VAV2: variants seen among roughly 807,000 people sequenced by gnomAD.
The protein encoded by VAV2 is vav guanine nucleotide exchange factor 2, also known as guanine nucleotide exchange factor VAV2.
VAV2 carries 67 observed loss-of-function variants against 132.5 expected under a neutral mutation model. That is an observed-to-expected ratio of 0.51 (90% CI 0.42 to 0.62). VAV2 has a LOEUF of 0.62. VAV2 is among the 20% of genes least tolerant of loss of function. The pLI is 0.00. For missense variants in VAV2, 938 were observed against 1,153.6 expected, an observed-to-expected ratio of 0.81 and a Z score of 2.71; for synonymous variants, 492 against 443.5, an observed-to-expected ratio of 1.11 and a Z score of -1.37.
chr9:133,783,724 C>A (rs577027428), intron 18 of VAV2, 133 bp from the exon 19 acceptor site: 4 of 752,522 alleles, frequency 5.3e-6, no homozygotes, highest in Admixed American at 2.1e-5. Flanking sequence ...TCCCTCATAG[C>A]CCTGAGTATC....
At chr9:133,790,152 G>A (rs1460472846) in intron 13 of VAV2, among the ~76,000 whole-genome samples, 2 of 152,168 alleles carry the variant, frequency 1.3e-5, no homozygotes, top group Non-Finnish European at 2.9e-5. Context: ...GGGGATGCTC[G>A]ACGCCTGCTG....
At position 133,769,552 on chromosome 9, in the gene VAV2, C is replaced by T; in HGVS notation, c.2348-49G>A. ...TGAGGCGGGCAGCAGGGCATCCACGCACAGTCACGGTGGGCACAGCTACAG... is the reference window on the plus strand; with the variant it reads ...TGAGGCGGGCAGCAGGGCATCCACGTACAGTCACGGTGGGCACAGCTACAG... On this transcript the variant is annotated intron_variant, in intron 27 of 29. Coordinates refer to ENST00000371850, the MANE Select transcript of VAV2 (RefSeq NM_001134398.2). This position sits in a 1 kb window ranked among gnomAD's most constrained non-coding sequence, Gnocchi z 8.1. 1 of 1,564,424 alleles carries T rather than the reference C, an allele frequency of 6.4e-7. No homozygotes were observed. Among genetic ancestry groups the T allele is most frequent in the Non-Finnish European group, 8.7e-7 (1 of 1,150,044 alleles).
intron 2 of VAV2, among the ~76,000 whole-genome samples, chr9:133,886,785 G>A (rs1053147885): frequency 1.6e-4 from 25 of 152,350 alleles, no homozygotes; most frequent in African/African-American, 5.8e-4. Context: ...CTGTTACCAG[G>A]AGAGCAGGTG....
chr9:133,801,774 C>T (rs1436790785), intron 9 of VAV2, among the ~76,000 whole-genome samples: 1 of 152,194 alleles, frequency 6.6e-6, no homozygotes, highest in Admixed American at 6.5e-5. Flanking sequence ...GACACAGAGA[C>T]GCGGGGAGGC....
At chr9:133,774,750 G>C (rs1445716409) in intron 25 of VAV2, among the ~76,000 whole-genome samples, 185 bp downstream of exon 25, 3 of 152,120 alleles carry the variant, frequency 2.0e-5, no homozygotes, top group African/African-American at 7.2e-5. Context: ...TTCAGGCCCT[G>C]CCCAGCACAC....
At chr9:133,903,552 C>A (rs978726045) in intron 2 of VAV2, among the ~76,000 whole-genome samples, 1 of 152,198 alleles carries the variant, frequency 6.6e-6, no homozygotes, top group Non-Finnish European at 1.5e-5. Flanking sequence ...GGGGTGGGGG[C>A]TGCACACAAG....
intron 2 of VAV2, among the ~76,000 whole-genome samples, chr9:133,878,949 C>T (rs115276124): frequency 0.016 from 2,463 of 152,292 alleles, 64 homozygotes; most frequent in African/African-American, 0.054. Flanking sequence ...TCGCCCCATT[C>T]GAGAGATCAA....
intron 2 of VAV2, among the ~76,000 whole-genome samples, chr9:133,911,451 G>A (rs1839882532): frequency 1.3e-5 from 2 of 152,322 alleles, no homozygotes; most frequent in South Asian, 4.1e-4. Flanking sequence ...ATGGAGGTAT[G>A]ATCCACAGAC....
intron 13 of VAV2, 79 bp downstream of exon 13, chr9:133,791,704 C>T: frequency 7.7e-7 from 1 of 1,296,964 alleles, no homozygotes; most frequent in African/African-American, 1.5e-5. Context: ...GGAGCTCACT[C>T]AATACTGGGG....
intron 1 of VAV2, among the ~76,000 whole-genome samples, chr9:133,975,050 T>C (rs1842462296): frequency 6.6e-6 from 1 of 152,216 alleles, no homozygotes; most frequent in African/African-American, 2.4e-5. Context: ...AAGGCCCTTT[T>C]TACGGCCTTT....
intron 3 of VAV2, among the ~76,000 whole-genome samples, chr9:133,859,624 AAAAACAAAAC>A (rs987057724): frequency 1.3e-5 from 2 of 152,090 alleles, no homozygotes; most frequent in Admixed American, 6.5e-5. Flanking sequence ...AATATGTAAA[AAAAACAAAAC>A]AAAACAAAAC....
In VAV2 at chr9:133,834,497, T is replaced by C. The variant is rs1172854681; in HGVS notation, c.381-157A>G. Among the ~76,000 whole-genome samples the C allele has an allele frequency of 6.6e-6, 1 of 152,188 alleles. No homozygotes were observed. The highest frequency in any genetic ancestry group is 2.4e-5 in the African/African-American group (1 of 41,444). ...AGGACACAGGGTGCGCGGACACTGA[T>C]CGGAGTCACAGGACGAGCCAACTGG... On this transcript the variant is annotated intron_variant, in intron 3 of 29. Transcript: ENST00000371850. The surrounding 1 kb of genome is among the most constrained non-coding windows in gnomAD (Gnocchi z 5.9).
At chr9:133,777,593 C>A in intron 22 of VAV2, 130 bp from the exon 23 acceptor site, 2 of 899,332 alleles carry the variant, frequency 2.2e-6, no homozygotes, top group South Asian at 1.6e-5. Flanking sequence ...TCTTCTTTCC[C>A]AACCTCAGCT....
intron 2 of VAV2, among the ~76,000 whole-genome samples, chr9:133,906,213 C>T (rs1259174263): frequency 6.6e-6 from 1 of 152,182 alleles, no homozygotes; most frequent in Non-Finnish European, 1.5e-5. Flanking sequence ...CATCCCTGCA[C>T]ACATCACCGT....
At chr9:133,942,151 TACC>T (rs1841187541) in intron 1 of VAV2, among the ~76,000 whole-genome samples, 1 of 152,206 alleles carries the variant, frequency 6.6e-6, no homozygotes, top group South Asian at 2.1e-4. Flanking sequence ...ATGTGTATTT[TACC>T]ACAATACAAA....
intron 2 of VAV2, among the ~76,000 whole-genome samples, chr9:133,897,785 G>C (rs1050800436): frequency 5.3e-5 from 8 of 152,106 alleles, no homozygotes; most frequent in Admixed American, 5.2e-4. Context: ...TGAAATGTCT[G>C]TATTTAATTA....
chr9:133,804,627 G>A lies in VAV2; in HGVS notation c.836+1454C>T, dbSNP rs1288201694. On this transcript the variant is annotated intron_variant, in intron 9 of 29. Transcript: ENST00000371850. The surrounding 1 kb of genome is among the most constrained non-coding windows in gnomAD (Gnocchi z 4.5). Reference sequence around the variant, plus strand: ...CGAAGCAAACCACGCCTCATCCGTGGCTCCCTCCCTTCCTGGCCGAGGGAC... The same window carrying A: ...CGAAGCAAACCACGCCTCATCCGTGACTCCCTCCCTTCCTGGCCGAGGGAC... Among the ~76,000 whole-genome samples the A allele has an allele frequency of 6.6e-6, 1 of 152,192 alleles. No homozygotes were observed. Among genetic ancestry groups the A allele is most frequent in the African/African-American group, 2.4e-5 (1 of 41,442 alleles).
chr9:133,913,316 G>A (rs998779422), intron 2 of VAV2, among the ~76,000 whole-genome samples: 3 of 152,182 alleles, frequency 2.0e-5, no homozygotes, highest in Non-Finnish European at 2.9e-5. Flanking sequence ...ACACACGAAA[G>A]GTAAGACAGG....
At chr9:133,915,691 GCA>G (rs1184667576) in intron 2 of VAV2, among the ~76,000 whole-genome samples, 71 of 138,306 alleles carry the variant, frequency 5.1e-4, no homozygotes, top group Non-Finnish European at 5.0e-4. Flanking sequence ...ATGCACACGT[GCA>G]CACACAATGC....
Sources: allele counts gnomAD v4.1 joint callset (sites outside exome capture counted in the v4.1 genomes callset), GRCh38; gene constraint gnomAD v4.1.1; non-coding constraint Gnocchi (gnomAD v3.1); transcripts MANE v1.5; gene names NCBI Gene and HGNC (gene_info 2026-07-23, HGNC 2026-07-21).